PTPN20: variants seen among roughly 807,000 people sequenced by gnomAD.
PTPN20 encodes the protein protein tyrosine phosphatase non-receptor type 20.
Under a neutral mutation model 35.0 loss-of-function variants are expected in PTPN20, and 9 were observed. The ratio of observed to expected loss-of-function variants is 0.26; its 90% confidence interval spans 0.15 to 0.45. The LOEUF (loss-of-function observed/expected upper bound fraction) is 0.45, where lower values mean the gene tolerates loss of function less well. Among genes scored for constraint, PTPN20 ranks in the 20% least tolerant of loss-of-function variants. The probability of loss-of-function intolerance (pLI) is 1.00; values close to 1 mark genes in which losing one functional copy is unlikely to be tolerated. For synonymous variants in PTPN20, 32 were observed against 100.2 expected (o/e 0.32, Z 4.06); for missense variants, 111 against 312.5 (o/e 0.36, Z 4.86).
chr10:46,950,324 G>A (rs2046286647), intron 5 of PTPN20, among the ~76,000 whole-genome samples: 1 of 151,270 alleles, frequency 6.6e-6, no homozygotes, highest in East Asian at 1.9e-4. Context: ...TTAATGTGAA[G>A]ATGAATAAAC....
In PTPN20 at chr10:46,999,913, T is replaced by G; in HGVS notation, c.1136T>G (p.Phe379Cys). The G allele has an allele frequency of 6.2e-7, 1 of 1,613,742 alleles. No individual in the cohort carries two copies. The highest frequency in any genetic ancestry group is 8.5e-7 in the Non-Finnish European group (1 of 1,179,706). ...VFCAIVKNCS[F>C]NIMDIVAQMR... is the part of the protein sequence containing the mutation. ...AAAATTACTGTCATCTTATTACAGT[T>G]CAACATCATGGATATAGTGGCCCAA... The change falls in exon 10 of 11, where the codon TTC becomes TGC. Residue 379 changes from phenylalanine to cysteine, a missense_variant and splice_region_variant. Physicochemically the swap from Phe to Cys is radical, Grantham distance 205. Around this residue, in one of 5 missense-constraint regions of PTPN20, gnomAD observed 61 missense variants for 54.3 expected, o/e 1.12. Coordinates refer to ENST00000374339, the MANE Select transcript of PTPN20 (RefSeq NM_001042357.5).
intron 4 of PTPN20, among the ~76,000 whole-genome samples, chr10:46,945,305 A>G (rs1425866133): frequency 2.0e-4 from 31 of 152,194 alleles, no homozygotes; most frequent in Non-Finnish European, 8.8e-5. Flanking sequence ...TTATCCATCC[A>G]GAAGGAGGAA....
chr10:46,992,076 C>T (rs917652362), intron 9 of PTPN20, among the ~76,000 whole-genome samples: 235 of 150,366 alleles, frequency 1.6e-3, no homozygotes, highest in African/African-American at 5.6e-3. Context: ...TAGGTTTGGT[C>T]TCTTTACATA....
At chr10:46,920,474 T>G (rs1286960932) in intron 1 of PTPN20, among the ~76,000 whole-genome samples, 1 of 150,232 alleles carries the variant, frequency 6.7e-6, no homozygotes, top group Non-Finnish European at 1.5e-5. Flanking sequence ...GACTCAGGGC[T>G]TATATACCAT....
chr10:47,000,804 C>T lies in PTPN20; in HGVS notation c.*63C>T. 6.3e-7 allele frequency: 1 copy of T among 1,577,488 alleles called. No individual in the cohort carries two copies. The highest frequency in any genetic ancestry group is 1.1e-5 in the South Asian group (1 of 90,330). Reference sequence around the variant, plus strand: ...TGGGTTTGCACCTCCTCATAAAGAACATGTTTGCACTGTGCTGAAGGGCTT... The same window carrying T: ...TGGGTTTGCACCTCCTCATAAAGAATATGTTTGCACTGTGCTGAAGGGCTT... On this transcript the variant is annotated 3_prime_UTR_variant, in exon 11 of 11. Coordinates refer to ENST00000374339, the MANE Select transcript of PTPN20 (RefSeq NM_001042357.5).
chr10:46,959,142 CTCT>C (rs1208062750), intron 5 of PTPN20, among the ~76,000 whole-genome samples: 43 of 133,978 alleles, frequency 3.2e-4, no homozygotes, highest in African/African-American at 1.1e-3. Context: ...AACTGTTTCT[CTCT>C]TCATTTCTGT....
At chr10:46,922,637 T>G (rs2035739551) in intron 1 of PTPN20, among the ~76,000 whole-genome samples, 2 of 133,014 alleles carry the variant, frequency 1.5e-5, no homozygotes, top group Admixed American at 1.4e-4. Context: ...TCTCAGCCAA[T>G]CCAGGAAACA....
chr10:46,997,147 A>G (rs71498276), intron 9 of PTPN20, among the ~76,000 whole-genome samples: 7,649 of 152,232 alleles, frequency 0.05, 257 homozygotes, highest in Middle Eastern at 0.082. Context: ...GAATTCTTGC[A>G]TCAGCATTTT....
intron 5 of PTPN20, chr10:46,955,121 A>T (rs1386039825): frequency 1.3e-4 from 20 of 150,410 alleles, no homozygotes; most frequent in Admixed American, 9.9e-4. Flanking sequence ...GGATTTTGGT[A>T]TCTGTGGGAG....
At chr10:46,976,845 ATC>A (rs1177875578) in intron 7 of PTPN20, among the ~76,000 whole-genome samples, 10 of 130,082 alleles carry the variant, frequency 7.7e-5, no homozygotes, top group Admixed American at 2.4e-4. Flanking sequence ...TACTTTCTCT[ATC>A]TCTCTCTCTC....
intron 2 of PTPN20, among the ~76,000 whole-genome samples, chr10:46,936,926 A>G (rs1318404161): frequency 1.5e-4 from 22 of 150,344 alleles, no homozygotes; most frequent in Admixed American, 3.3e-4. Flanking sequence ...TATCTTTTAA[A>G]GAAATTAGAA....
chr10:46,984,095 GA>G, intron 7 of PTPN20, 134 bp from the exon 8 acceptor site: 9 of 697,898 alleles, frequency 1.3e-5, no homozygotes, highest in South Asian at 3.6e-5. Context: ...CAACCATTTT[GA>G]AAAGAAACTC....
chr10:46,983,163 G>T (rs1211685736), intron 7 of PTPN20, among the ~76,000 whole-genome samples: 2 of 147,406 alleles, frequency 1.4e-5, no homozygotes, highest in Non-Finnish European at 3.0e-5. Flanking sequence ...TGCAGCCTCC[G>T]CCTCCCTGGT....
intron 7 of PTPN20, among the ~76,000 whole-genome samples, chr10:46,977,710 C>T (rs1424243809): frequency 1.9e-5 from 2 of 106,336 alleles, no homozygotes; most frequent in Non-Finnish European, 3.9e-5. Context: ...TTTCCCAGCT[C>T]AAGTGCCGCA....
intron 2 of PTPN20, among the ~76,000 whole-genome samples, chr10:46,938,129 T>C (rs1348602608): frequency 2.6e-4 from 39 of 151,720 alleles, no homozygotes; most frequent in African/African-American, 9.2e-4. Flanking sequence ...TTTTGTATTT[T>C]TAGTAGAGAT....
Position 46,999,906 on chromosome 10 carries a change from T to G in PTPN20, c.1135-6T>G, listed in dbSNP as rs1463618034. ...ATCATACAAAATTACTGTCATCTTA[T>G]TACAGTTCAACATCATGGATATAGT... On this transcript the variant is annotated splice_region_variant and splice_polypyrimidine_tract_variant and intron_variant, in intron 9 of 10. Coordinates refer to ENST00000374339, the MANE Select transcript of PTPN20 (RefSeq NM_001042357.5). 2 of 1,613,744 alleles carry G rather than the reference T, an allele frequency of 1.2e-6. No individual in the cohort carries two copies. Among genetic ancestry groups the G allele is most frequent in the Non-Finnish European group, 8.5e-7 (1 of 1,179,698 alleles).
chr10:46,965,907 T>TTTTTTTTTTTGG (rs2050427836), intron 6 of PTPN20, among the ~76,000 whole-genome samples: 1 of 58,098 alleles, frequency 1.7e-5, no homozygotes, highest in African/African-American at 1.3e-4. Context: ...CTTTTTTTTT[T>TTTTTTTTTTTGG]TTTCTTATTG....
At chr10:47,000,085 T>C (rs2059842926) in intron 10 of PTPN20, 111 bp downstream of exon 10, 2 of 1,481,640 alleles carry the variant, frequency 1.3e-6, no homozygotes, top group African/African-American at 2.8e-5. Flanking sequence ...ATTGAATTCC[T>C]ACTGTTTGAG....
At chr10:46,950,618 A>G (rs1257677420) in intron 5 of PTPN20, among the ~76,000 whole-genome samples, 1 of 152,070 alleles carries the variant, frequency 6.6e-6, no homozygotes, top group Non-Finnish European at 1.5e-5. Flanking sequence ...AACATTTAAT[A>G]AAATATTTTA....
Sources: gnomAD v4.1 joint callset for allele counts (sites outside exome capture counted in the v4.1 genomes callset) on GRCh38, gnomAD v4.1.1 for gene constraint, gnomAD v4.1.1 regional missense constraint, MANE v1.5 for transcripts, NCBI Gene and HGNC (gene_info 2026-07-23, HGNC 2026-07-21) for gene names.